The following LAMA3 variants were observed in gnomAD, a reference collection of about 807,000 sequenced individuals.
LAMA3 encodes laminin subunit alpha 3.
In LAMA3, 281 loss-of-function variants were observed where a neutral mutation model predicts 402.0. That is an observed-to-expected ratio of 0.70 (90% CI 0.63 to 0.77). The LOEUF (loss-of-function observed/expected upper bound fraction) is 0.77. LAMA3 is among the 30% of genes least tolerant of loss of function. The pLI is 0.00. For synonymous variants in LAMA3, 1,431 were observed against 1,558.4 expected (o/e 0.92, Z 1.93); for missense variants, 3,840 against 4,215.5 (o/e 0.91, Z 2.47).
chr18:23,764,739 T>C (rs1398560678), intron 8 of LAMA3, among the ~76,000 whole-genome samples: 2 of 152,162 alleles, frequency 1.3e-5, no homozygotes, highest in African/African-American at 2.4e-5. Context: ...TGTGGTAAAA[T>C]AGACATAACA....
At chr18:23,887,075 T>C (rs551288991) in intron 41 of LAMA3, among the ~76,000 whole-genome samples, 5 of 152,362 alleles carry the variant, frequency 3.3e-5, no homozygotes, top group Admixed American at 1.3e-4. Flanking sequence ...CTTACACTTA[T>C]TCAGTTATTC....
intron 62 of LAMA3, among the ~76,000 whole-genome samples, chr18:23,926,404 T>C (rs1487275218): frequency 6.6e-6 from 1 of 152,198 alleles, no homozygotes; most frequent in Non-Finnish European, 1.5e-5. Flanking sequence ...CCTAAAACCA[T>C]GTATAAATAG....
At chr18:23,939,480 C>T (rs543535125) in intron 68 of LAMA3, 94 bp downstream of exon 68, 3 of 1,315,898 alleles carry the variant, frequency 2.3e-6, no homozygotes, top group East Asian at 4.6e-5. Flanking sequence ...CCATGCAGCT[C>T]TCTCTAATGA....
At position 23,907,944 on chromosome 18, in the gene LAMA3, C is replaced by T. The variant is rs764947195; in HGVS notation, c.7015+9C>T. 12 of 1,612,978 alleles carry T rather than the reference C, an allele frequency of 7.4e-6. 1 individual carries two copies. The highest frequency in any genetic ancestry group is 4.5e-5 in the East Asian group (2 of 44,852). ...TGATGCAGATAACTCGGGTATCAGG[C>T]GATCTCTGGCCAGGACATCTTAGCC... On this transcript the variant is annotated intron_variant, in intron 54 of 74. Coordinates refer to ENST00000313654, the MANE Select transcript of LAMA3 (RefSeq NM_198129.4).
intron 8 of LAMA3, among the ~76,000 whole-genome samples, chr18:23,773,275 C>T (rs896855993): frequency 3.9e-5 from 6 of 152,226 alleles, no homozygotes; most frequent in Non-Finnish European, 7.3e-5. Flanking sequence ...GGAATGTTTC[C>T]TTTCCTCTCC....
intron 35 of LAMA3, among the ~76,000 whole-genome samples, chr18:23,862,830 G>A (rs918429806): frequency 3.9e-5 from 6 of 152,136 alleles, no homozygotes; most frequent in African/African-American, 1.2e-4. Flanking sequence ...TGCAGCATCT[G>A]CTTCCAAGCT....
intron 32 of LAMA3, among the ~76,000 whole-genome samples, chr18:23,848,864 G>T (rs139947856): frequency 7.0e-6 from 1 of 142,636 alleles, no homozygotes; most frequent in Non-Finnish European, 1.5e-5. Context: ...CTTTCTCTTC[G>T]CTTCTGGTGT....
chr18:23,902,870 T>G, intron 48 of LAMA3, 139 bp from the exon 49 acceptor site: 1 of 689,948 alleles, frequency 1.4e-6, no homozygotes, highest in Non-Finnish European at 2.7e-6. Context: ...CCTATCACTT[T>G]GTAATTGCCT....
At chr18:23,792,143 G>C (rs547581954) in intron 12 of LAMA3, among the ~76,000 whole-genome samples, 77 of 152,288 alleles carry the variant, frequency 5.1e-4, no homozygotes, top group African/African-American at 1.8e-3. Flanking sequence ...CTGTTGCCGT[G>C]AACTCCTTAC....
At chr18:23,807,478 A>ATG (rs1568204269) in intron 12 of LAMA3, among the ~76,000 whole-genome samples, 4 of 132,754 alleles carry the variant, frequency 3.0e-5, no homozygotes, top group African/African-American at 1.3e-4. Flanking sequence ...GTGTGTGTGT[A>ATG]TGTGTGTGTG....
chr18:23,753,999 A>G (rs1398862161), intron 6 of LAMA3, among the ~76,000 whole-genome samples, 187 bp downstream of exon 6: 1 of 152,062 alleles, frequency 6.6e-6, no homozygotes, highest in Non-Finnish European at 1.5e-5. Flanking sequence ...CATAACCCCT[A>G]TAGGCCCTGG....
rs141677965 is a variant in LAMA3, at chr18:23,745,961, A to C, written c.448-1982A>C. ...GAGATGTGCAAAGAGTTTTTAGCGA[A>C]ATATATTAGCTCTGATTTTCCAAAC... On this transcript the variant is annotated intron_variant, in intron 2 of 74. Transcript: ENST00000313654. 1.2e-4 allele frequency among the ~76,000 whole-genome samples: 19 copies of C among 152,310 alleles called. No homozygotes were observed. The East Asian group carries it at 3.7e-3, about 29-fold the overall frequency.
Position 23,826,629 on chromosome 18 carries a change from G to A in LAMA3, c.2572-73G>A, listed in dbSNP as rs993979905. On this transcript the variant is annotated intron_variant, in intron 21 of 74. Transcript: ENST00000313654. ...TGGTTATTATTGATTTAACTAGTATGTTTGATTATTTTCTATCCAAAGTAG... is the reference window on the plus strand; with the variant it reads ...TGGTTATTATTGATTTAACTAGTATATTTGATTATTTTCTATCCAAAGTAG... 71 of 1,105,698 alleles carry A rather than the reference G, an allele frequency of 6.4e-5. 1 individual carries two copies. The highest frequency in any genetic ancestry group is 1.1e-5 in the Non-Finnish European group (8 of 741,328). 68.5% of individuals were successfully genotyped at this position (1,105,698 alleles called of 1,614,324 possible).
chr18:23,904,132 TCAGCAGCTTGTC>T, intron 50 of LAMA3, 45 bp downstream of exon 50: 1 of 1,609,022 alleles, frequency 6.2e-7, no homozygotes, highest in Non-Finnish European at 8.5e-7. Flanking sequence ...TGGGCTGAGC[TCAGCAGCTTGTC>T]CTGAGACAAG....
intron 2 of LAMA3, among the ~76,000 whole-genome samples, chr18:23,738,723 A>T (rs2061517348): frequency 6.6e-6 from 1 of 152,188 alleles, no homozygotes; most frequent in South Asian, 2.1e-4. Context: ...CCCTGCTGGG[A>T]TCAGCCATTG....
At chr18:23,942,517 T>G (rs2082558293) in intron 68 of LAMA3, among the ~76,000 whole-genome samples, 1 of 152,136 alleles carries the variant, frequency 6.6e-6, no homozygotes, top group Non-Finnish European at 1.5e-5. Flanking sequence ...AAGTAAAGCT[T>G]GCTTAGCTGG....
intron 8 of LAMA3, among the ~76,000 whole-genome samples, chr18:23,773,237 G>A (rs1360036797): frequency 6.6e-6 from 1 of 152,214 alleles, no homozygotes; most frequent in Non-Finnish European, 1.5e-5. Flanking sequence ...CTTCGATCAA[G>A]GATAAAGCCT....
At chr18:23,894,026 G>A (rs1012150019) in intron 42 of LAMA3, among the ~76,000 whole-genome samples, 5 of 152,156 alleles carry the variant, frequency 3.3e-5, no homozygotes, top group African/African-American at 1.2e-4. Flanking sequence ...TTCCTGCAGC[G>A]AGCCTGCTGG....
intron 27 of LAMA3, among the ~76,000 whole-genome samples, chr18:23,840,253 A>G (rs188874948): frequency 4.6e-5 from 7 of 152,116 alleles, no homozygotes; most frequent in East Asian, 1.9e-4. Flanking sequence ...GCAATTATTC[A>G]TGGCCCATAT....
Sources: allele counts gnomAD v4.1 joint callset (sites outside exome capture counted in the v4.1 genomes callset), GRCh38; gene constraint gnomAD v4.1.1; transcripts MANE v1.5; gene names NCBI Gene and HGNC (gene_info 2026-07-23, HGNC 2026-07-21).